The following DOK5 variants were observed in gnomAD, a reference collection of about 807,000 sequenced individuals.
DOK5 encodes docking protein 5.
A neutral mutation model predicts 43.3 loss-of-function variants in DOK5; 27 were observed. The observed-to-expected ratio is 0.62, with a 90% confidence interval of 0.46 to 0.86. The LOEUF is 0.86. DOK5 is among the 40% of genes least tolerant of loss of function. DOK5 has a pLI of 0.00. For missense variants in DOK5, 373 were observed against 392.9 expected, an observed-to-expected ratio of 0.95 and a Z score of 0.43; for synonymous variants, 146 against 140.1, an observed-to-expected ratio of 1.04 and a Z score of -0.30.
chr20:54,507,802 C>T lies in DOK5; in HGVS notation c.66+31790C>T, dbSNP rs561743937. On this transcript the variant is annotated intron_variant, in intron 1 of 7. Transcript: ENST00000262593. ...AAGCAGATCAACAAAGCCACTGGGG[C>T]CACACCCTAGAGAAGAAAAAGGATA... Among the ~76,000 whole-genome samples the T allele has an allele frequency of 2.4e-4, 36 of 152,214 alleles. No homozygotes were observed. The South Asian group carries it at 7.0e-3, about 30-fold the overall frequency.
intron 2 of DOK5, among the ~76,000 whole-genome samples, chr20:54,575,862 TAAAG>T (rs948231926): frequency 6.6e-6 from 1 of 152,212 alleles, no homozygotes; most frequent in Admixed American, 6.5e-5. Flanking sequence ...CATTTATATA[TAAAG>T]AGAGGATAAA....
chr20:54,537,961 C>G (rs1344162682), intron 1 of DOK5, among the ~76,000 whole-genome samples: 1 of 150,966 alleles, frequency 6.6e-6, no homozygotes, highest in African/African-American at 2.4e-5. Context: ...GCCTCAGCCT[C>G]CTGAATAGCT....
intron 6 of DOK5, among the ~76,000 whole-genome samples, chr20:54,628,917 C>A (rs556632738): frequency 6.6e-6 from 1 of 152,112 alleles, no homozygotes; most frequent in African/African-American, 2.4e-5. Flanking sequence ...AATGGATTAT[C>A]TATGATCATC....
intron 6 of DOK5, among the ~76,000 whole-genome samples, chr20:54,613,217 T>G (rs1390813654): frequency 2.0e-5 from 3 of 149,940 alleles, no homozygotes; most frequent in Non-Finnish European, 4.4e-5. Context: ...TCTCTCTCTC[T>G]CGTCACCTCT....
At chr20:54,493,183 C>T (rs1982260791) in intron 1 of DOK5, among the ~76,000 whole-genome samples, 1 of 151,804 alleles carries the variant, frequency 6.6e-6, no homozygotes, top group South Asian at 2.1e-4. Context: ...TAATTCTATC[C>T]TACCTTTCTT....
chr20:54,494,213 T>G (rs1982302242), intron 1 of DOK5, among the ~76,000 whole-genome samples: 1 of 152,234 alleles, frequency 6.6e-6, no homozygotes, highest in African/African-American at 2.4e-5. Flanking sequence ...CTCTTCGCTT[T>G]ATTGTTGTAC....
chr20:54,488,092 T>C lies in DOK5; in HGVS notation c.66+12080T>C, dbSNP rs961838332. Among the ~76,000 whole-genome samples the C allele has an allele frequency of 4.6e-5, 7 of 152,370 alleles. No homozygotes were observed. In the South Asian group the frequency reaches 1.4e-3, roughly 32 times the overall value. On this transcript the variant is annotated intron_variant, in intron 1 of 7. Transcript: ENST00000262593. ...ATACTAATTTCTCAGTTTCCAGGTT[T>C]CTGTCTACCAAAGTGCAGATATGTT...
At chr20:54,568,350 T>C (rs1319856841) in intron 2 of DOK5, among the ~76,000 whole-genome samples, 1 of 152,260 alleles carries the variant, frequency 6.6e-6, no homozygotes, top group Non-Finnish European at 1.5e-5. Context: ...TGTATGCATA[T>C]GTGCATAAAC....
intron 2 of DOK5, among the ~76,000 whole-genome samples, chr20:54,572,956 C>T (rs1029420267): frequency 3.9e-5 from 6 of 152,118 alleles, no homozygotes; most frequent in African/African-American, 1.2e-4. Context: ...GAGGGTCTAC[C>T]CTGTATAAAG....
intron 4 of DOK5, 45 bp from the exon 5 acceptor site, chr20:54,591,570 GT>G: frequency 7.0e-7 from 1 of 1,437,172 alleles, no homozygotes; most frequent in Non-Finnish European, 9.4e-7. Context: ...TGTCTTTGAT[GT>G]TTTATTCCTG....
chr20:54,482,390 T>C lies in DOK5; in HGVS notation c.66+6378T>C, dbSNP rs961344052. ...GCCACAAACGCTTTCATGTTTCATT[T>C]GAGGATTTTAGATTTAGATGTTCAG... On this transcript the variant is annotated intron_variant, in intron 1 of 7. Transcript: ENST00000262593. Among the ~76,000 whole-genome samples, 7 of 152,378 alleles carry C rather than the reference T, an allele frequency of 4.6e-5. No homozygotes were observed. The South Asian group carries it at 1.4e-3, about 32-fold the overall frequency.
Position 54,475,639 on chromosome 20 carries a change from C to T in DOK5, c.-308C>T, listed in dbSNP as rs1600643982. The T allele has an allele frequency of 4.1e-6, 2 of 486,160 alleles. No individual in the cohort carries two copies. The highest frequency in any genetic ancestry group is 2.0e-5 in the African/African-American group (1 of 49,596). 30.1% of individuals were successfully genotyped at this position (486,160 alleles called of 1,614,324 possible). On this transcript the variant is annotated 5_prime_UTR_variant, in exon 1 of 8. Transcript: ENST00000262593. This position sits in a 1 kb window ranked among gnomAD's most constrained non-coding sequence, Gnocchi z 4.2. ...CGGGAGGAGGCAGGGCTGGATCCCT[C>T]AGCCGCCGCCGCTCCTCCTCCTGGC...
intron 6 of DOK5, among the ~76,000 whole-genome samples, chr20:54,637,987 T>C (rs749894328): frequency 5.3e-5 from 8 of 152,056 alleles, no homozygotes; most frequent in Non-Finnish European, 1.2e-4. Flanking sequence ...CCAGGCGTGG[T>C]GGCGGGCACC....
rs147707291 is a variant in DOK5, at chr20:54,579,145, T to C, written c.175-9338T>C. Among the ~76,000 whole-genome samples, 414 of 152,342 alleles carry C rather than the reference T, an allele frequency of 2.7e-3. 1 individual carries two copies. The highest frequency in any genetic ancestry group is 9.3e-3 in the African/African-American group (387 of 41,596). ...TTTTTGCCATAATCAGTATCATCTTTACTCTTACGAATATTTTGTTTTAAA... is the reference window on the plus strand; with the variant it reads ...TTTTTGCCATAATCAGTATCATCTTCACTCTTACGAATATTTTGTTTTAAA... On this transcript the variant is annotated intron_variant, in intron 2 of 7. Coordinates refer to ENST00000262593, the MANE Select transcript of DOK5 (RefSeq NM_018431.5).
At chr20:54,494,697 T>C (rs895781480) in intron 1 of DOK5, 15 of 152,280 alleles carry the variant, frequency 9.9e-5, no homozygotes, top group African/African-American at 3.6e-4. Context: ...GTTGTTAAAA[T>C]GCCCCACTCT....
At chr20:54,525,855 CCTT>C (rs1438710495) in intron 1 of DOK5, among the ~76,000 whole-genome samples, 2 of 152,166 alleles carry the variant, frequency 1.3e-5, no homozygotes, top group Non-Finnish European at 2.9e-5. Flanking sequence ...TGTATTCAGG[CCTT>C]CTAATGCTTC....
chr20:54,504,395 T>G (rs1398022314), intron 1 of DOK5, among the ~76,000 whole-genome samples: 1 of 152,260 alleles, frequency 6.6e-6, no homozygotes, highest in Non-Finnish European at 1.5e-5. Context: ...CATTGTTCAA[T>G]GAAGGCACTG....
intron 1 of DOK5, among the ~76,000 whole-genome samples, chr20:54,505,004 TA>T (rs570026744): frequency 8.5e-4 from 129 of 152,240 alleles, no homozygotes; most frequent in Middle Eastern, 3.4e-3. Context: ...CTTCTATTCA[TA>T]TCTGTCCCGG....
intron 1 of DOK5, among the ~76,000 whole-genome samples, chr20:54,498,608 A>C (rs1351372572): frequency 6.6e-6 from 1 of 152,182 alleles, no homozygotes; most frequent in Non-Finnish European, 1.5e-5. Context: ...GTTTACTTTT[A>C]ATTTTTGTCA....
Sources: gnomAD v4.1 joint callset for allele counts (sites outside exome capture counted in the v4.1 genomes callset) on GRCh38, gnomAD v4.1.1 for gene constraint, Gnocchi (gnomAD v3.1) non-coding constraint, MANE v1.5 for transcripts, NCBI Gene and HGNC (gene_info 2026-07-23, HGNC 2026-07-21) for gene names.